Variants in NCAM2 observed in about 807,000 individuals in gnomAD.
The protein encoded by NCAM2 is neural cell adhesion molecule 2.
A neutral mutation model predicts 98.1 loss-of-function variants in NCAM2; 30 were observed. That is an observed-to-expected ratio of 0.31 (90% CI 0.23 to 0.41). The LOEUF (loss-of-function observed/expected upper bound fraction) is 0.41, where lower values mean the gene tolerates loss of function less well. Ranked by LOEUF, NCAM2 falls within the 10% of genes least tolerant of loss-of-function variation. NCAM2 has a pLI of 1.00. For synonymous variants in NCAM2, 368 were observed against 342.4 expected, an observed-to-expected ratio of 1.07 and a Z score of -0.83; for missense variants, 867 against 1,005.8, an observed-to-expected ratio of 0.86 and a Z score of 1.87.
At chr21:21,143,676 T>C (rs2067214184) in intron 1 of NCAM2, among the ~76,000 whole-genome samples, 1 of 152,104 alleles carries the variant, frequency 6.6e-6, no homozygotes, top group Admixed American at 6.5e-5. Flanking sequence ...CTCACTGTTC[T>C]ACTATGCTGT....
intron 10 of NCAM2, 76 bp downstream of exon 10, chr21:21,410,537 C>A (rs2076835521): frequency 4.0e-6 from 3 of 756,436 alleles, no homozygotes; most frequent in Admixed American, 3.2e-5. Context: ...ATTTAAATAT[C>A]TTCATATGCA....
At chr21:21,057,110 A>AC (rs1393244329) in intron 1 of NCAM2, among the ~76,000 whole-genome samples, 3 of 152,086 alleles carry the variant, frequency 2.0e-5, no homozygotes, top group African/African-American at 4.8e-5. Context: ...TGAAAGAAAG[A>AC]CCTAGGGTGT....
intron 12 of NCAM2, among the ~76,000 whole-genome samples, chr21:21,443,960 G>A (rs995679798): frequency 2.3e-4 from 35 of 152,142 alleles, no homozygotes; most frequent in African/African-American, 7.7e-4. Context: ...CATTCAATGT[G>A]ATATTGGCTG....
intron 9 of NCAM2, among the ~76,000 whole-genome samples, chr21:21,387,786 G>A (rs2088440374): frequency 6.6e-6 from 1 of 152,088 alleles, no homozygotes; most frequent in African/African-American, 2.4e-5. Context: ...ATTGAATAAA[G>A]CAAACAAACA....
At chr21:21,085,006 C>T (rs1394979208) in intron 1 of NCAM2, among the ~76,000 whole-genome samples, 4 of 152,082 alleles carry the variant, frequency 2.6e-5, no homozygotes, top group Admixed American at 1.3e-4. Flanking sequence ...TTCCTTCTAT[C>T]GCCGCTTCTG....
chr21:21,302,156 TGCACACGTATG>T (rs372432404), intron 5 of NCAM2, among the ~76,000 whole-genome samples: 2,598 of 151,372 alleles, frequency 0.017, 75 homozygotes, highest in African/African-American at 0.06. Context: ...TAAAGACACA[TGCACACGTATG>T]TTTATTGCGG....
intron 1 of NCAM2, among the ~76,000 whole-genome samples, chr21:21,157,430 T>C (rs556062729): frequency 5.3e-5 from 8 of 152,284 alleles, no homozygotes; most frequent in African/African-American, 1.7e-4. Flanking sequence ...GGCTTTTGTA[T>C]TTTTACAGAT....
At chr21:21,399,964 G>A (rs923946946) in intron 9 of NCAM2, among the ~76,000 whole-genome samples, 1 of 152,134 alleles carries the variant, frequency 6.6e-6, no homozygotes, top group East Asian at 1.9e-4. Flanking sequence ...GGAGAATGCA[G>A]TGATCAGTAC....
intron 1 of NCAM2, among the ~76,000 whole-genome samples, chr21:21,154,103 T>A (rs2067535457): frequency 6.6e-6 from 1 of 151,860 alleles, no homozygotes; most frequent in African/African-American, 2.4e-5. Flanking sequence ...TATTGTCTGT[T>A]TGGCACTTAA....
intron 9 of NCAM2, among the ~76,000 whole-genome samples, chr21:21,375,223 A>C (rs1199046059): frequency 7.6e-6 from 1 of 132,248 alleles, no homozygotes; most frequent in African/African-American, 2.8e-5. Context: ...AACAAAAACA[A>C]AAAAAAAAAC....
At chr21:21,154,322 A>G (rs2067543050) in intron 1 of NCAM2, among the ~76,000 whole-genome samples, 1 of 151,932 alleles carries the variant, frequency 6.6e-6, no homozygotes, top group African/African-American at 2.4e-5. Flanking sequence ...TTCTTTAATC[A>G]TGATATGCAC....
intron 8 of NCAM2, among the ~76,000 whole-genome samples, chr21:21,357,847 A>G (rs1331285130): frequency 1.3e-5 from 2 of 152,182 alleles, no homozygotes; most frequent in Non-Finnish European, 2.9e-5. Context: ...AGATAAGTTT[A>G]ATATAAAAAT....
At chr21:21,261,618 G>A (rs1396388977) in intron 1 of NCAM2, among the ~76,000 whole-genome samples, 2 of 151,984 alleles carry the variant, frequency 1.3e-5, no homozygotes, top group South Asian at 2.1e-4. Context: ...TGACTTTTAG[G>A]TAATTAACAA....
intron 1 of NCAM2, among the ~76,000 whole-genome samples, chr21:21,020,067 C>T (rs770910105): frequency 3.9e-5 from 6 of 151,978 alleles, no homozygotes; most frequent in Non-Finnish European, 5.9e-5. Flanking sequence ...GATGCTGTCT[C>T]GCACTGCTGC....
chr21:21,210,531 C>A, intron 1 of NCAM2: 3 of 1,284,582 alleles, frequency 2.3e-6, no homozygotes, highest in Non-Finnish European at 3.0e-6. Flanking sequence ...AGAACAATTT[C>A]TTCTTTCAGA....
At chr21:21,101,628 T>C (rs2066242642) in intron 1 of NCAM2, among the ~76,000 whole-genome samples, 3 of 152,070 alleles carry the variant, frequency 2.0e-5, no homozygotes, top group Admixed American at 2.0e-4. Flanking sequence ...AACAGCAAGT[T>C]TTCTGTGATT....
intron 1 of NCAM2, among the ~76,000 whole-genome samples, chr21:21,201,362 C>T (rs2069212872): frequency 2.0e-5 from 3 of 152,132 alleles, no homozygotes; most frequent in Admixed American, 2.0e-4. Flanking sequence ...CTCCTAATGA[C>T]ACAGGTGCCA....
chr21:21,489,474 C>A (rs1479347553), intron 15 of NCAM2, among the ~76,000 whole-genome samples: 1 of 151,602 alleles, frequency 6.6e-6, no homozygotes, highest in Non-Finnish European at 1.5e-5. Context: ...TCTTATGCTT[C>A]CTTTCTAAAT....
chr21:20,998,962 T>C (rs1472215835), intron 1 of NCAM2, among the ~76,000 whole-genome samples: 2 of 152,164 alleles, frequency 1.3e-5, no homozygotes, highest in African/African-American at 2.4e-5. Context: ...AACAGTGAAA[T>C]ATCTGAGGTT....
Sources: gnomAD v4.1 joint callset for allele counts (sites outside exome capture counted in the v4.1 genomes callset) on GRCh38, gnomAD v4.1.1 for gene constraint, MANE v1.5 for transcripts, NCBI Gene and HGNC (gene_info 2026-07-23, HGNC 2026-07-21) for gene names.